The following ZNF276 variants were observed in gnomAD, a reference collection of about 807,000 sequenced individuals.
ZNF276 encodes zinc finger protein 276, also known as centromere protein Z.
A neutral mutation model predicts 63.9 loss-of-function variants in ZNF276; 59 were observed. The observed-to-expected ratio is 0.92, with a 90% CI of 0.75 to 1.15. ZNF276 has a LOEUF of 1.15. Ranked by LOEUF, ZNF276 falls within the 50% of genes most tolerant of loss-of-function variation. The pLI is 0.00. For missense variants in ZNF276, 1,084 were observed against 843.8 expected (o/e 1.28, Z -3.53); for synonymous variants, 496 against 348.4 (o/e 1.42, Z -4.72).
chr16:89,723,075 A>C (rs1036687996), intron 2 of ZNF276, 62 bp from the exon 3 acceptor site: 7 of 1,612,170 alleles, frequency 4.3e-6, no homozygotes, highest in East Asian at 2.2e-5. Context: ...AGGGTCCCGT[A>C]CGACGAGCGC....
chr16:89,740,540 G>A lies in ZNF276; in HGVS notation c.*2294G>A, dbSNP rs757971559. 4 of 524,024 alleles carry A rather than the reference G, an allele frequency of 7.6e-6. No homozygotes were observed. The highest frequency in any genetic ancestry group is 6.7e-5 in the East Asian group (2 of 29,678). The allele number at this position is 524,024 out of a possible 1,614,324, so 32.5% of individuals were successfully genotyped here. A position where few individuals can be genotyped will look rare whatever the true frequency, so the allele number is the denominator to read the frequency against. ...AATCCCAGCTACTCGGGAGGCTGATGCAGGAGAATTGCTTGAACCCAGGAG... is the reference window on the plus strand; with the variant it reads ...AATCCCAGCTACTCGGGAGGCTGATACAGGAGAATTGCTTGAACCCAGGAG... On this transcript the variant is annotated 3_prime_UTR_variant, in exon 11 of 11. Transcript: ENST00000443381.
chr16:89,739,196 G>T lies in ZNF276; in HGVS notation c.*950G>T, dbSNP rs375237681. 1 of 1,614,138 alleles carries T rather than the reference G, an allele frequency of 6.2e-7. No individual in the cohort carries two copies. Among genetic ancestry groups the T allele is most frequent in the Non-Finnish European group, 8.5e-7 (1 of 1,180,032 alleles). On this transcript the variant is annotated 3_prime_UTR_variant, in exon 11 of 11. Coordinates refer to ENST00000443381, the MANE Select transcript of ZNF276 (RefSeq NM_001113525.2). ...AAACTGTGCTTGTATCCCCAGCCAC[G>T]AAGAGCTGGACCAGCTTCAAGTACA... is the stretch of plus-strand genomic sequence containing the variant.
intron 4 of ZNF276, 118 bp downstream of exon 4, chr16:89,723,827 A>G (rs964910794): frequency 5.2e-6 from 6 of 1,152,918 alleles, no homozygotes; most frequent in Non-Finnish European, 7.2e-6. Context: ...GTGGTGTGAG[A>G]AGGAGCAGAG....
Position 89,733,575 on chromosome 16 carries a change from C to T in ZNF276, c.1356+18C>T. ...GCATGAAGGTGAGCACTGGCTGTGC[C>T]TGACCCAGGCCCGGCAGCTGTCAGT... On this transcript the variant is annotated intron_variant, in intron 8 of 10. Transcript: ENST00000443381. 6.2e-7 allele frequency: 1 copy of T among 1,613,250 alleles called. No individual in the cohort carries two copies. The highest frequency in any genetic ancestry group is 8.5e-7 in the Non-Finnish European group (1 of 1,179,906).
intron 3 of ZNF276, 36 bp downstream of exon 3, chr16:89,723,219 C>T (rs755309723): frequency 9.3e-6 from 15 of 1,613,004 alleles, no homozygotes; most frequent in African/African-American, 1.3e-5. Context: ...GGCTGGGTGC[C>T]GACCAGCCGT....
intron 5 of ZNF276, 126 bp downstream of exon 5, chr16:89,727,483 C>T (rs1379474337): frequency 9.0e-7 from 1 of 1,111,236 alleles, no homozygotes; most frequent in Non-Finnish European, 1.3e-6. Flanking sequence ...ACCAAACAGC[C>T]ATCGTAGGGT....
intron 6 of ZNF276, among the ~76,000 whole-genome samples, chr16:89,729,729 C>T (rs1337684022): frequency 1.3e-5 from 2 of 152,212 alleles, no homozygotes; most frequent in Non-Finnish European, 2.9e-5. Context: ...CCCAGAGGCC[C>T]GAGGACCCAG....
rs145002319 is a variant in ZNF276 at position 89,723,447 on chromosome 16, C to G, written c.744C>G (p.Cys248Trp). The G allele has an allele frequency of 7.4e-6, 12 of 1,612,962 alleles. No individual in the cohort carries two copies. In the African/African-American group the frequency reaches 1.2e-4, roughly 16 times the overall value. ...ACACCATGGATACCAGCTCCAGCTG[C>G]AAGGCCTTCTTGCTGGACAGTGCGC... is the stretch of plus-strand genomic sequence containing the variant. Reference protein sequence around the residue: ...HDYTMDTSSSCKAFLLDSALA... With the variant: ...HDYTMDTSSSWKAFLLDSALA... The change falls in exon 4 of 11, where the codon TGC becomes TGG. Residue 248 changes from cysteine (C) to tryptophan (W), a missense_variant. Transcript: ENST00000443381.
rs1272324196 is a variant in ZNF276, at chr16:89,740,107, C to G, written c.*1861C>G. ...TGGCAGGTCTGTGGTGCTCTGTAAA[C>G]CGCAGGAGACCAACCCTGAGAATGG... is the stretch of plus-strand genomic sequence containing the variant. On this transcript the variant is annotated 3_prime_UTR_variant, in exon 11 of 11. Coordinates refer to ENST00000443381, the MANE Select transcript of ZNF276 (RefSeq NM_001113525.2). 2 of 1,612,832 alleles carry G rather than the reference C, an allele frequency of 1.2e-6. No homozygotes were observed. The highest frequency in any genetic ancestry group is 1.1e-5 in the South Asian group (1 of 91,046).
At position 89,739,650 on chromosome 16, in the gene ZNF276, G is replaced by T; in HGVS notation, c.*1404G>T. 1 of 1,507,236 alleles carries T rather than the reference G, an allele frequency of 6.6e-7. No homozygotes were observed. The highest frequency in any genetic ancestry group is 1.2e-5 in the South Asian group (1 of 82,904). The allele number at this position is 1,507,236 out of a possible 1,614,324, so 93.4% of individuals were successfully genotyped here. On this transcript the variant is annotated 3_prime_UTR_variant, in exon 11 of 11. Coordinates refer to ENST00000443381, the MANE Select transcript of ZNF276 (RefSeq NM_001113525.2). Reference sequence around the variant, plus strand: ...GGGGTCGGGACGTGTACCCTGGGAGGCCTGGCTGTGGGGATAGTGTGGGGC... The same window carrying T: ...GGGGTCGGGACGTGTACCCTGGGAGTCCTGGCTGTGGGGATAGTGTGGGGC...
At position 89,721,651 on chromosome 16, in the gene ZNF276, A is replaced by T. The variant is rs2061279561; in HGVS notation, c.11A>T (p.Asp4Val). Residue 4 changes from aspartate to valine, a missense_variant, in exon 1 of 11, where the codon GAC becomes GTC. Transcript: ENST00000443381. MKR[D>V]RLGRFLSPGS... is the part of the protein sequence containing the mutation. ...GCGTCCTCCGCTGCCATGAAGCGGGACCGGCTGGGCCGCTTCCTGTCTCCT... is the reference window on the plus strand; with the variant it reads ...GCGTCCTCCGCTGCCATGAAGCGGGTCCGGCTGGGCCGCTTCCTGTCTCCT... 2 of 1,468,648 alleles carry T rather than the reference A, an allele frequency of 1.4e-6. No homozygotes were observed. The allele number at this position is 1,468,648 out of a possible 1,614,324, so 91.0% of individuals were successfully genotyped here. A position where few individuals can be genotyped will look rare whatever the true frequency, so the allele number is the denominator to read the frequency against.
chr16:89,721,423 C>T (rs2061265710), upstream of ZNF276: 2 of 420,540 alleles, frequency 4.8e-6, no homozygotes, highest in Non-Finnish European at 8.3e-6. Flanking sequence ...GAGAGGGGAG[C>T]GGTACGAGCG....
chr16:89,729,149 AT>A, intron 5 of ZNF276, 85 bp from the exon 6 acceptor site: 2 of 1,072,164 alleles, frequency 1.9e-6, no homozygotes, highest in South Asian at 2.6e-5. Flanking sequence ...ATGGGGGTCC[AT>A]TTGGTATCTT....
chr16:89,739,461 C>T lies in ZNF276; in HGVS notation c.*1215C>T, dbSNP rs1318852669. 1.3e-6 allele frequency: 2 copies of T among 1,551,840 alleles called. No individual in the cohort carries two copies. The highest frequency in any genetic ancestry group is 4.9e-5 in the East Asian group (2 of 41,066). ...GAAACACTGCCCAGCCCTGACCAGC[C>T]CTGTGGGTGGAGGTACCTGTAAAAA... On this transcript the variant is annotated 3_prime_UTR_variant, in exon 11 of 11. Transcript: ENST00000443381.
At position 89,738,614 on chromosome 16, in the gene ZNF276, G is replaced by C. The variant is rs897557830; in HGVS notation, c.*368G>C. On this transcript the variant is annotated 3_prime_UTR_variant, in exon 11 of 11. Transcript: ENST00000443381. ...TGGCAGGTCCCGTCAGAAGAGATGA[G>C]GCTCCTGGGACAGGTCAGCGTCAGG... 1.1e-5 allele frequency: 18 copies of C among 1,613,416 alleles called. No homozygotes were observed. Among genetic ancestry groups the C allele is most frequent in the Non-Finnish European group, 1.4e-5 (17 of 1,180,026 alleles).
At chr16:89,728,306 A>G (rs1047227998) in intron 5 of ZNF276, among the ~76,000 whole-genome samples, 4 of 148,120 alleles carry the variant, frequency 2.7e-5, no homozygotes, top group Non-Finnish European at 4.5e-5. Flanking sequence ...CTCACTGCAA[A>G]CTCCACCTCC....
In ZNF276 at chr16:89,734,134, G is replaced by A. The variant is rs1020626553; in HGVS notation, c.1474+96G>A. ...CATACCCATCCCCGCCCCAAGAGTTGGGGGTGCGTGAAGGTGGCTCATGGG... is the reference window on the plus strand; with the variant it reads ...CATACCCATCCCCGCCCCAAGAGTTAGGGGTGCGTGAAGGTGGCTCATGGG... On this transcript the variant is annotated intron_variant, in intron 9 of 10. Coordinates refer to ENST00000443381, the MANE Select transcript of ZNF276 (RefSeq NM_001113525.2). 29 of 1,207,960 alleles carry A rather than the reference G, an allele frequency of 2.4e-5. 1 individual carries two copies. Among genetic ancestry groups the A allele is most frequent in the Middle Eastern group, 2.0e-4 (1 of 5,062 alleles). 74.8% of individuals were successfully genotyped at this position (1,207,960 alleles called of 1,614,324 possible). A position where few individuals can be genotyped will look rare whatever the true frequency, so the allele number is the denominator to read the frequency against.
intron 9 of ZNF276, among the ~76,000 whole-genome samples, chr16:89,736,359 G>A (rs1460068235): frequency 1.5e-5 from 2 of 130,354 alleles, no homozygotes; most frequent in African/African-American, 6.8e-5. Flanking sequence ...GGGACAGTCT[G>A]TGTCGCCCAG....
chr16:89,739,663 GAT>G lies in ZNF276; in HGVS notation c.*1419_*1420del. Reference sequence around the variant, plus strand: ...GTACCCTGGGAGGCCTGGCTGTGGGGATAGTGTGGGGCGAACAGCCTGAGCTG... The same window carrying G: ...GTACCCTGGGAGGCCTGGCTGTGGGGAGTGTGGGGCGAACAGCCTGAGCTG... On this transcript the variant is annotated 3_prime_UTR_variant, in exon 11 of 11. Transcript: ENST00000443381. The G allele has an allele frequency of 4.0e-6, 6 of 1,506,906 alleles. No homozygotes were observed. Among genetic ancestry groups the G allele is most frequent in the Non-Finnish European group, 5.4e-6 (6 of 1,111,226 alleles). 93.3% of individuals were successfully genotyped at this position (1,506,906 alleles called of 1,614,324 possible). A position where few individuals can be genotyped will look rare whatever the true frequency, so the allele number is the denominator to read the frequency against.
Sources: gnomAD v4.1 joint callset for allele counts (sites outside exome capture counted in the v4.1 genomes callset) on GRCh38, gnomAD v4.1.1 for gene constraint, MANE v1.5 for transcripts, NCBI Gene and HGNC (gene_info 2026-07-23, HGNC 2026-07-21) for gene names.